The following PTK2 variants were observed in gnomAD, a reference collection of about 807,000 sequenced individuals.
The protein encoded by PTK2 is focal adhesion kinase 1.
Under a neutral mutation model 150.1 loss-of-function variants are expected in PTK2, and 45 were observed. That is an observed-to-expected ratio of 0.30 (90% CI 0.24 to 0.38). PTK2 has a LOEUF of 0.38. PTK2 is among the 10% of genes least tolerant of loss of function. The probability of loss-of-function intolerance (pLI) is 1.00; values close to 1 mark genes in which losing one functional copy is unlikely to be tolerated. For missense variants in PTK2, 919 were observed against 1,307.3 expected (o/e 0.70, Z 4.58); for synonymous variants, 432 against 449.2 (o/e 0.96, Z 0.48).
At chr8:140,869,229 T>C (rs1179084898) in intron 4 of PTK2, among the ~76,000 whole-genome samples, 1 of 151,250 alleles carries the variant, frequency 6.6e-6, no homozygotes, top group Non-Finnish European at 1.5e-5. Context: ...GCCTGATATC[T>C]TGCCTCAATG....
chr8:140,844,801 A>G (rs916863220), intron 7 of PTK2, among the ~76,000 whole-genome samples: 3 of 152,196 alleles, frequency 2.0e-5, no homozygotes, highest in South Asian at 4.1e-4. Context: ...TTGTCATTTC[A>G]TAACAGTGAA....
chr8:140,663,910 G>A (rs1020950081), intron 31 of PTK2, among the ~76,000 whole-genome samples: 1 of 152,092 alleles, frequency 6.6e-6, no homozygotes, highest in African/African-American at 2.4e-5. Context: ...TGTCTCGGCC[G>A]CCCAAAGTGT....
intron 1 of PTK2, among the ~76,000 whole-genome samples, chr8:140,929,823 T>C (rs1261062839): frequency 3.9e-5 from 6 of 152,120 alleles, no homozygotes; most frequent in Non-Finnish European, 2.9e-5. Flanking sequence ...TAAAATGGTA[T>C]GTATTTTTCA....
chr8:140,785,653 C>T (rs2100084528), intron 14 of PTK2, among the ~76,000 whole-genome samples: 3 of 152,118 alleles, frequency 2.0e-5, no homozygotes, highest in Non-Finnish European at 4.4e-5. Context: ...TGTAACAGTT[C>T]ATCAGTACAG....
At chr8:140,967,380 G>A (rs1289466687) in intron 1 of PTK2, among the ~76,000 whole-genome samples, 1 of 152,060 alleles carries the variant, frequency 6.6e-6, no homozygotes, top group Non-Finnish European at 1.5e-5. Context: ...CAAGTAGGAT[G>A]AGCCCCTGGA....
intron 1 of PTK2, among the ~76,000 whole-genome samples, chr8:140,965,560 G>C (rs1361353917): frequency 6.6e-6 from 1 of 152,124 alleles, no homozygotes; most frequent in African/African-American, 2.4e-5. Flanking sequence ...TTTTCTGTCA[G>C]TCTCTTCCTC....
chr8:140,769,040 T>A (rs945264745), intron 14 of PTK2, among the ~76,000 whole-genome samples: 2 of 152,190 alleles, frequency 1.3e-5, no homozygotes, highest in African/African-American at 4.8e-5. Flanking sequence ...ATGGGAAATG[T>A]AAGACATAGA....
At position 140,722,575 on chromosome 8, in the gene PTK2, T is replaced by G. The variant is rs141287332; in HGVS notation, c.2031-4866A>C. ...GAGCCACCATGCCCAGCCCCTGTTC[T>G]CTCAACTGGCCAAACAGGAAAGGAC... On this transcript the variant is annotated intron_variant, in intron 22 of 31. Transcript: ENST00000522684. Among the ~76,000 whole-genome samples, 1,246 of 152,250 alleles carry G rather than the reference T, an allele frequency of 8.2e-3. 18 individuals are homozygous for G. Among genetic ancestry groups the G allele is most frequent in the African/African-American group, 0.028 (1,152 of 41,538 alleles).
chr8:140,994,375 T>C (rs539068894), intron 1 of PTK2, among the ~76,000 whole-genome samples: 2 of 152,384 alleles, frequency 1.3e-5, no homozygotes, highest in South Asian at 4.1e-4. Flanking sequence ...GCAGCAACCC[T>C]GCATCGAGCA....
chr8:140,668,399 G>T, exon 30 of PTK2: 1 of 1,612,926 alleles, frequency 6.2e-7, no homozygotes. Context: ...GGCAGTAGGA[G>T]GGGGGCTGAT....
intron 7 of PTK2, among the ~76,000 whole-genome samples, chr8:140,831,229 C>G (rs1456635955): frequency 6.6e-6 from 1 of 152,172 alleles, no homozygotes; most frequent in East Asian, 1.9e-4. Context: ...ATAGCTGATT[C>G]TTTTCCTAGT....
chr8:140,827,399 G>C (rs1818752390), intron 8 of PTK2, among the ~76,000 whole-genome samples: 2 of 152,040 alleles, frequency 1.3e-5, no homozygotes, highest in South Asian at 4.2e-4. Context: ...GGAGTTATCT[G>C]ATACCCAGGT....
chr8:140,755,467 C>T (rs1049280197), intron 16 of PTK2, among the ~76,000 whole-genome samples: 2 of 152,146 alleles, frequency 1.3e-5, no homozygotes, highest in Admixed American at 1.3e-4. Flanking sequence ...TGTCCTGCCC[C>T]GCCTCATGGC....
chr8:140,878,983 G>A (rs753475799), intron 4 of PTK2, among the ~76,000 whole-genome samples: 4 of 151,910 alleles, frequency 2.6e-5, no homozygotes, highest in Admixed American at 1.3e-4. Flanking sequence ...TAATTTTAAC[G>A]TTGCATGTGA....
rs1431426272 is a variant in PTK2 at position 140,764,444 on chromosome 8, T to C, written c.1178-154A>G. ...TACTCAAATTTTGCTCACACATGAG[T>C]CATTTATGGAAATAAAAGTGACATC... On this transcript the variant is annotated intron_variant, in intron 14 of 31. Transcript: ENST00000522684. 4.9e-6 allele frequency: 3 copies of C among 613,684 alleles called. No homozygotes were observed. The African/African-American group carries it at 5.5e-5, about 11-fold the overall frequency. 38.0% of individuals were successfully genotyped at this position (613,684 alleles called of 1,614,324 possible). A position where few individuals can be genotyped will look rare whatever the true frequency, so the allele number is the denominator to read the frequency against.
At chr8:140,711,012 A>C (rs1407105388) in intron 23 of PTK2, among the ~76,000 whole-genome samples, 1 of 151,912 alleles carries the variant, frequency 6.6e-6, no homozygotes, top group Non-Finnish European at 1.5e-5. Context: ...ATCTCGGCTC[A>C]CTGCAACCTC....
chr8:140,703,518 C>T (rs567338463), intron 24 of PTK2, among the ~76,000 whole-genome samples: 107 of 152,272 alleles, frequency 7.0e-4, no homozygotes, highest in African/African-American at 2.5e-3. Context: ...GCAAAAGCAA[C>T]AGGAAGCCAC....
chr8:140,923,142 G>A (rs2100168159), intron 2 of PTK2, among the ~76,000 whole-genome samples: 1 of 152,120 alleles, frequency 6.6e-6, no homozygotes, highest in Non-Finnish European at 1.5e-5. Context: ...CTCCTAATGT[G>A]CAAGATCTTG....
intron 27 of PTK2, among the ~76,000 whole-genome samples, chr8:140,679,160 G>T (rs2100015686): frequency 6.6e-6 from 1 of 151,382 alleles, no homozygotes; most frequent in East Asian, 1.9e-4. Context: ...AAGTAGCTGG[G>T]ATTATAGGTG....
Sources: gnomAD v4.1 joint callset for allele counts (sites outside exome capture counted in the v4.1 genomes callset) on GRCh38, gnomAD v4.1.1 for gene constraint, MANE v1.5 for transcripts, NCBI Gene and HGNC (gene_info 2026-07-23, HGNC 2026-07-21) for gene names.